The following FRMD6 variants were observed in gnomAD, a reference collection of about 807,000 sequenced individuals.
The protein encoded by FRMD6 is FERM domain containing 6, also known as FERM domain-containing protein 6.
In FRMD6, 37 loss-of-function variants were observed where a neutral mutation model predicts 73.2. The ratio of observed to expected loss-of-function variants is 0.51; its 90% confidence interval spans 0.39 to 0.66. The LOEUF (loss-of-function observed/expected upper bound fraction) is 0.66. Ranked by LOEUF, FRMD6 falls within the 30% of genes least tolerant of loss-of-function variation. FRMD6 has a pLI of 0.00. For synonymous variants in FRMD6, 273 were observed against 282.2 expected (o/e 0.97, Z 0.33); for missense variants, 714 against 780.5 (o/e 0.91, Z 1.02).
intron 2 of FRMD6, among the ~76,000 whole-genome samples, chr14:51,573,108 G>T (rs1888219332): frequency 6.6e-6 from 1 of 152,172 alleles, no homozygotes; most frequent in Non-Finnish European, 1.5e-5. Flanking sequence ...TGTTTTCTTT[G>T]TTGATTTTGG....
chr14:51,469,731 A>AT, the FRMD6 span, among the ~76,000 whole-genome samples: 72 of 148,490 alleles, frequency 4.8e-4, 1 homozygote, highest in Admixed American at 3.3e-3. Flanking sequence ...GAAATACTTT[A>AT]TTTTTTTTTC....
At chr14:51,521,334 A>G (rs911509832) in intron 1 of FRMD6, among the ~76,000 whole-genome samples, 12 of 152,242 alleles carry the variant, frequency 7.9e-5, no homozygotes, top group Admixed American at 3.9e-4. Context: ...CAAAACATTT[A>G]TGTTATATAC....
intron 1 of FRMD6, among the ~76,000 whole-genome samples, chr14:51,515,914 C>G (rs568508760): frequency 1.3e-5 from 2 of 152,274 alleles, no homozygotes; most frequent in East Asian, 3.9e-4. Flanking sequence ...TTTAGAAAAG[C>G]AGGGCTTTAA....
chr14:51,418,665 C>T, the FRMD6 span, among the ~76,000 whole-genome samples: 1 of 152,232 alleles, frequency 6.6e-6, no homozygotes, highest in Admixed American at 6.5e-5. Context: ...TCTGTCCATT[C>T]TCTGAGCTCA....
chr14:51,704,487 CTGAA>C (rs1251243926), intron 5 of FRMD6: 3 of 392,788 alleles, frequency 7.6e-6, no homozygotes, highest in African/African-American at 6.0e-5. Context: ...TTTTTCTTCT[CTGAA>C]TGAATCAAAT....
chr14:51,646,337 A>C (rs1218356817), intron 2 of FRMD6, among the ~76,000 whole-genome samples: 1 of 151,128 alleles, frequency 6.6e-6, no homozygotes, highest in Non-Finnish European at 1.5e-5. Flanking sequence ...AAAAAAAAAA[A>C]AAAAACCCAC....
At chr14:51,716,340 A>G (rs755715953) in intron 10 of FRMD6, among the ~76,000 whole-genome samples, 1 of 151,452 alleles carries the variant, frequency 6.6e-6, no homozygotes, top group Non-Finnish European at 1.5e-5. Flanking sequence ...GCTTTCAAAG[A>G]TTTGTTTTGC....
At chr14:51,504,392 C>T (rs1010333371) in intron 1 of FRMD6, among the ~76,000 whole-genome samples, 2 of 152,168 alleles carry the variant, frequency 1.3e-5, no homozygotes, top group African/African-American at 4.8e-5. Context: ...GAGGTCTCAC[C>T]CAGTCAGGAG....
At chr14:51,507,252 G>C (rs1282620146) in intron 1 of FRMD6, among the ~76,000 whole-genome samples, 1 of 152,148 alleles carries the variant, frequency 6.6e-6, no homozygotes, top group African/African-American at 2.4e-5. Flanking sequence ...ATCCTGGCTG[G>C]TGTGGACACT....
At chr14:51,422,983 G>A in the FRMD6 span, among the ~76,000 whole-genome samples, 1 of 152,244 alleles carries the variant, frequency 6.6e-6, no homozygotes, top group African/African-American at 2.4e-5. Context: ...GAGCCAGTAT[G>A]CTATTCGCAT....
At chr14:51,522,624 A>G (rs888920976) in intron 1 of FRMD6, among the ~76,000 whole-genome samples, 2 of 152,200 alleles carry the variant, frequency 1.3e-5, no homozygotes, top group Admixed American at 6.5e-5. Flanking sequence ...GCACCTCAGC[A>G]TCATAAAAAT....
chr14:51,417,941 A>C, the FRMD6 span, among the ~76,000 whole-genome samples: 1 of 152,098 alleles, frequency 6.6e-6, no homozygotes, highest in Non-Finnish European at 1.5e-5. Context: ...ACTTGATTGA[A>C]TCAGCTGTTG....
chr14:51,573,199 T>C (rs568655636), intron 2 of FRMD6, among the ~76,000 whole-genome samples: 1 of 152,308 alleles, frequency 6.6e-6, no homozygotes, highest in East Asian at 1.9e-4. Flanking sequence ...GGGTTATGCA[T>C]CACTTAAACC....
chr14:51,415,951 T>C, the FRMD6 span, among the ~76,000 whole-genome samples: 224 of 152,344 alleles, frequency 1.5e-3, 1 homozygote, highest in African/African-American at 5.2e-3. Context: ...AGAGGTGTTA[T>C]AGTATTCTCT....
At position 51,638,567 on chromosome 14, in the gene FRMD6, T is replaced by G. The variant is rs374893138; in HGVS notation, c.-146-51124T>G. On this transcript the variant is annotated intron_variant, in intron 2 of 14. Coordinates refer to the FRMD6 transcript ENST00000356218. The stretch of plus-strand genomic sequence containing the variant: ...TGATAGGGACTGAAGGCAAAGGTGA[T>G]TCCAGGGGACTGTCAGTCAGCTCCC... 3.3e-4 allele frequency among the ~76,000 whole-genome samples: 50 copies of G among 152,328 alleles called. No individual in the cohort carries two copies. In the East Asian group the frequency reaches 9.5e-3, roughly 29 times the overall value.
the FRMD6 span, among the ~76,000 whole-genome samples, chr14:51,466,988 T>G: frequency 6.6e-6 from 1 of 152,090 alleles, no homozygotes; most frequent in African/African-American, 2.4e-5. Context: ...TTAATACTTA[T>G]TGATCATTCT....
the FRMD6 span, among the ~76,000 whole-genome samples, chr14:51,397,615 T>C: frequency 6.6e-6 from 1 of 152,222 alleles, no homozygotes; most frequent in African/African-American, 2.4e-5. Context: ...GCTTTGTTAA[T>C]AAATTGGTTG....
At chr14:51,716,845 A>T (rs1040129984) in intron 10 of FRMD6, among the ~76,000 whole-genome samples, 2 of 152,210 alleles carry the variant, frequency 1.3e-5, no homozygotes, top group African/African-American at 4.8e-5. Context: ...CAGGAGGAGG[A>T]TGAAGAAGCA....
chr14:51,729,013 A>C lies in FRMD6; in HGVS notation c.*984A>C, dbSNP rs932071309. On this transcript the variant is annotated 3_prime_UTR_variant, in exon 14 of 14. Coordinates refer to ENST00000344768, the MANE Select transcript of FRMD6 (RefSeq NM_001267046.2). ...TGGCTTCCATGACTATCTTTTATAC[A>C]TGGAATTCCTTAAGATTGAGAATAT... 1 of 152,172 alleles carries C rather than the reference A, an allele frequency of 6.6e-6. No homozygotes were observed. The highest frequency in any genetic ancestry group is 2.4e-5 in the African/African-American group (1 of 41,440). The allele number at this position is 152,172 out of a possible 1,614,324, so 9.4% of individuals were successfully genotyped here.
Sources: gnomAD v4.1 joint callset for allele counts (sites outside exome capture counted in the v4.1 genomes callset) on GRCh38, gnomAD v4.1.1 for gene constraint, MANE v1.5 for transcripts, NCBI Gene and HGNC (gene_info 2026-07-23, HGNC 2026-07-21) for gene names.